The following ATXN7L1 variants were observed in gnomAD, a reference collection of about 807,000 sequenced individuals.
The protein encoded by ATXN7L1 is ataxin-7-like protein 1.
A neutral mutation model predicts 70.8 loss-of-function variants in ATXN7L1; 15 were observed. That is an observed-to-expected ratio of 0.21 (90% confidence interval 0.14 to 0.33). The LOEUF is 0.33. Ranked by LOEUF, ATXN7L1 falls within the 10% of genes least tolerant of loss-of-function variation. The probability of loss-of-function intolerance (pLI) is 1.00; values close to 1 mark genes in which losing one functional copy is unlikely to be tolerated. For synonymous variants in ATXN7L1, 440 were observed against 445.1 expected (o/e 0.99, Z 0.14); for missense variants, 975 against 1,097.1 (o/e 0.89, Z 1.57).
At chr7:105,761,518 T>A (rs998739070) in intron 3 of ATXN7L1, 82 of 1,595,230 alleles carry the variant, frequency 5.1e-5, no homozygotes, top group Non-Finnish European at 6.7e-5. Context: ...ACATGGCTCC[T>A]TTGGAAATTA....
chr7:105,641,624 G>A (rs575335432), intron 5 of ATXN7L1, among the ~76,000 whole-genome samples: 5 of 152,358 alleles, frequency 3.3e-5, no homozygotes, highest in African/African-American at 7.2e-5. Flanking sequence ...CACGCCTACC[G>A]GTTTTCTGGG....
intron 7 of ATXN7L1, among the ~76,000 whole-genome samples, chr7:105,629,676 C>T (rs1425308243): frequency 8.7e-5 from 13 of 148,590 alleles, no homozygotes; most frequent in African/African-American, 1.7e-4. Flanking sequence ...CCACCACGCC[C>T]GGCTAATTTT....
chr7:105,659,896 G>A (rs1007580383), intron 4 of ATXN7L1, among the ~76,000 whole-genome samples: 1 of 144,954 alleles, frequency 6.9e-6, no homozygotes, highest in Non-Finnish European at 1.5e-5. Context: ...TTTTTTTTTT[G>A]AGACGTGTAG....
rs1173297742 is a variant in ATXN7L1 at position 105,875,859 on chromosome 7, C to T, written c.203G>A (p.Gly68Glu). 1 of 1,613,752 alleles carries T rather than the reference C, an allele frequency of 6.2e-7. No individual in the cohort carries two copies. Among genetic ancestry groups the T allele is most frequent in the Non-Finnish European group, 8.5e-7 (1 of 1,179,926 alleles). ...CTCCCTGCTTTTTCCACCCTCTTTT[C>T]CAGCCTCTTCTAAATCTACATCTGC... ...CSDNVDLEEA[G>E]KEGGKSREVM... Residue 68 changes from glycine (G) to glutamate (E), a missense_variant, in exon 2 of 12, where the codon GGA (glycine) becomes GAA (glutamate). This residue lies in a region of ATXN7L1 where 135 missense variants were observed against 132.6 expected (regional missense o/e 1.02). Transcript: ENST00000419735.
intron 3 of ATXN7L1, among the ~76,000 whole-genome samples, chr7:105,675,582 G>A (rs971375383): frequency 6.6e-6 from 1 of 151,548 alleles, no homozygotes; most frequent in Non-Finnish European, 1.5e-5. Context: ...CTGAGATCAC[G>A]CCACTGCACT....
chr7:105,686,420 G>T (rs982748248), intron 3 of ATXN7L1, among the ~76,000 whole-genome samples: 2 of 152,186 alleles, frequency 1.3e-5, no homozygotes, highest in Admixed American at 1.3e-4. Flanking sequence ...GGAGGCTGAG[G>T]CAGGAGAATC....
At chr7:105,839,884 T>C (rs558988959) in intron 2 of ATXN7L1, among the ~76,000 whole-genome samples, 2 of 152,358 alleles carry the variant, frequency 1.3e-5, no homozygotes, top group Admixed American at 1.3e-4. Flanking sequence ...TATTATTATA[T>C]GCTGTAACAG....
chr7:105,789,524 A>C (rs577038357), intron 2 of ATXN7L1, among the ~76,000 whole-genome samples: 2 of 152,318 alleles, frequency 1.3e-5, no homozygotes, highest in Admixed American at 6.5e-5. Flanking sequence ...AGGAGGGGGC[A>C]GGTCATCTGA....
At chr7:105,726,213 T>C (rs987721869) in intron 3 of ATXN7L1, among the ~76,000 whole-genome samples, 4 of 152,204 alleles carry the variant, frequency 2.6e-5, no homozygotes, top group African/African-American at 9.7e-5. Flanking sequence ...TAATTTCCAT[T>C]TCTGATTAAA....
intron 3 of ATXN7L1, among the ~76,000 whole-genome samples, chr7:105,684,040 T>G (rs1161248709): frequency 6.6e-6 from 1 of 152,164 alleles, no homozygotes; most frequent in Non-Finnish European, 1.5e-5. Context: ...ATAGCTTCAC[T>G]GCAGGCTCCA....
chr7:105,630,408 C>A lies in ATXN7L1; in HGVS notation c.1203-6141G>T, dbSNP rs141500641. 2.6e-5 allele frequency among the ~76,000 whole-genome samples: 4 copies of A among 152,322 alleles called. No individual in the cohort carries two copies. The East Asian group carries it at 7.7e-4, about 29-fold the overall frequency. ...TAACTCCTAAACCAATAATAGGAAT[C>A]TCTCATTTTGCTTGCTAATGATTGG... On this transcript the variant is annotated intron_variant, in intron 7 of 11. Transcript: ENST00000419735.
intron 3 of ATXN7L1, chr7:105,760,156 A>G: frequency 1.0e-6 from 1 of 970,330 alleles, no homozygotes; most frequent in Non-Finnish European, 1.2e-6. Context: ...TGGCCCCCTA[A>G]CTGTTAATCT....
chr7:105,672,728 C>T (rs1323299558), intron 3 of ATXN7L1, among the ~76,000 whole-genome samples: 6 of 152,122 alleles, frequency 3.9e-5, no homozygotes, highest in Admixed American at 2.0e-4. Flanking sequence ...AAAGAGCCAG[C>T]GGGACCTCTC....
At chr7:105,733,888 T>TCATC (rs1554444575) in intron 3 of ATXN7L1, among the ~76,000 whole-genome samples, 5 of 70,276 alleles carry the variant, frequency 7.1e-5, no homozygotes, top group Non-Finnish European at 1.4e-4. Context: ...CCATCATCCA[T>TCATC]CATCCATCCA....
rs141847533 is a variant in ATXN7L1, at chr7:105,715,408, C to T, written c.356-50120G>A. ...GACTCTGTAAATAGCAGCCTCGGTACTTCCTCAGAGCTTCCCTGTTTTCTA... is the reference window on the plus strand; with the variant it reads ...GACTCTGTAAATAGCAGCCTCGGTATTTCCTCAGAGCTTCCCTGTTTTCTA... On this transcript the variant is annotated intron_variant, in intron 3 of 11. Coordinates refer to ENST00000419735, the MANE Select transcript of ATXN7L1 (RefSeq NM_020725.2). 3.9e-3 allele frequency among the ~76,000 whole-genome samples: 601 copies of T among 152,386 alleles called. 4 individuals are homozygous for T. The highest frequency in any genetic ancestry group is 6.6e-3 in the Non-Finnish European group (451 of 68,040).
At chr7:105,641,212 CTCTTTTTTTTTT>C (rs1264507967) in intron 5 of ATXN7L1, among the ~76,000 whole-genome samples, 6 of 64,034 alleles carry the variant, frequency 9.4e-5, no homozygotes, top group African/African-American at 3.0e-4. Context: ...CTCTCTCTCT[CTCTTTTTTTTTT>C]TTTTTTTTTT....
At position 105,614,661 on chromosome 7, in the gene ATXN7L1, A is replaced by G; in HGVS notation, c.1673T>C (p.Met558Thr). Residue 558 changes from methionine (M) to threonine (T), a missense_variant, in exon 10 of 12, where the codon ATG (methionine) becomes ACG (threonine). By Grantham distance (81) the Met-to-Thr change is moderately conservative. Around this residue, in one of 5 missense-constraint regions of ATXN7L1, gnomAD observed 635 missense variants for 699.4 expected, o/e 0.91. Coordinates refer to ENST00000419735, the MANE Select transcript of ATXN7L1 (RefSeq NM_020725.2). The surrounding 1 kb of genome is among the most constrained non-coding windows in gnomAD (Gnocchi z 4.3). ...ISSRLTSSYI[M>T]TSAMLSNAAF... ...TGCGTTTGAGAGCATGGCTGATGTC[A>G]TTATGTAAGAAGAGGTGAGCCTCGA... 2 of 1,551,710 alleles carry G rather than the reference A, an allele frequency of 1.3e-6. No homozygotes were observed. The highest frequency in any genetic ancestry group is 1.7e-6 in the Non-Finnish European group (2 of 1,147,022).
intron 3 of ATXN7L1, among the ~76,000 whole-genome samples, chr7:105,786,559 T>C (rs942386519): frequency 2.6e-5 from 4 of 152,196 alleles, no homozygotes; most frequent in African/African-American, 9.7e-5. Flanking sequence ...CTTGCTCTGT[T>C]GCCCAGAATG....
intron 3 of ATXN7L1, among the ~76,000 whole-genome samples, chr7:105,666,273 C>T (rs1038869809): frequency 1.3e-5 from 2 of 152,238 alleles, no homozygotes; most frequent in Admixed American, 6.5e-5. Context: ...TCCTCTCTGG[C>T]TCTCTTATGT....
Sources: gnomAD v4.1 joint callset for allele counts (sites outside exome capture counted in the v4.1 genomes callset) on GRCh38, gnomAD v4.1.1 for gene constraint, gnomAD v4.1.1 regional missense constraint, Gnocchi (gnomAD v3.1) non-coding constraint, MANE v1.5 for transcripts, NCBI Gene and HGNC (gene_info 2026-07-23, HGNC 2026-07-21) for gene names.